Variants in GAL3ST3 observed in about 807,000 individuals in gnomAD.
GAL3ST3 encodes the protein beta-galactose-3-O-sulfotransferase 3.
A neutral mutation model predicts 20.8 loss-of-function variants in GAL3ST3; 21 were observed. That is an observed-to-expected ratio of 1.01 (90% confidence interval 0.72 to 1.45). The LOEUF (loss-of-function observed/expected upper bound fraction) is 1.45. GAL3ST3 is among the 40% of genes most tolerant of loss of function. The probability of loss-of-function intolerance (pLI) is 0.00; values close to 1 mark genes in which losing one functional copy is unlikely to be tolerated. For synonymous variants in GAL3ST3, 355 were observed against 307.2 expected (o/e 1.16, Z -1.63); for missense variants, 739 against 662.7 (o/e 1.12, Z -1.26).
In GAL3ST3 at chr11:66,042,748, T is replaced by C. The variant is rs1856722089; in HGVS notation, c.1055A>G (p.Gln352Arg). The change falls in exon 3 of 3, where the codon CAG becomes CGG. Residue 352 changes from glutamine to arginine, a missense_variant. Gln to Arg is a conservative substitution (Grantham distance 43, BLOSUM62 1). Coordinates refer to ENST00000312006, the MANE Select transcript of GAL3ST3 (RefSeq NM_033036.3). ...LRPAAQIRTK[Q>R]LQPWQPSRKV... ...GCGGCTGGGCTGCCACGGCTGCAGC[T>C]GCTTGGTGCGGATCTGCGCGGCAGG... 7 of 1,532,176 alleles carry C rather than the reference T, an allele frequency of 4.6e-6. No homozygotes were observed. The highest frequency in any genetic ancestry group is 5.2e-6 in the Non-Finnish European group (6 of 1,145,180). 94.9% of individuals were successfully genotyped at this position (1,532,176 alleles called of 1,614,324 possible). A position where few individuals can be genotyped will look rare whatever the true frequency, so the allele number is the denominator to read the frequency against.
chr11:66,042,664 G>A lies in GAL3ST3; in HGVS notation c.1139C>T (p.Ala380Val). 1 of 1,534,696 alleles carries A rather than the reference G, an allele frequency of 6.5e-7. No homozygotes were observed. The highest frequency in any genetic ancestry group is 8.7e-7 in the Non-Finnish European group (1 of 1,146,118). Residue 380 changes from alanine to valine, a missense_variant, in exon 3 of 3, where the codon GCC becomes GTC. Ala to Val is a moderately conservative substitution (Grantham distance 64). Coordinates refer to ENST00000312006, the MANE Select transcript of GAL3ST3 (RefSeq NM_033036.3). ...CTCGGGCATGGCCAGCTTGAGGCAG[G>A]CCTCGGTGGCCGGGCCGGCGCCGCC... ...PGGGAGPATEACLKLAMPEVQ... is the reference protein window; with the variant it reads ...PGGGAGPATEVCLKLAMPEVQ...
intron 2 of GAL3ST3, among the ~76,000 whole-genome samples, chr11:66,044,704 T>G (rs907696429): frequency 6.6e-6 from 1 of 152,218 alleles, no homozygotes; most frequent in East Asian, 1.9e-4. Flanking sequence ...TCGTGAAGCT[T>G]TCATTTCTGT....
Position 66,043,066 on chromosome 11 carries a change from T to A in GAL3ST3, c.737A>T (p.Glu246Val). Residue 246 changes from glutamate to valine, a missense_variant, in exon 3 of 3, where the codon GAG (glutamate) becomes GTG (valine). By Grantham distance (121) the Glu-to-Val change is moderately radical (BLOSUM62 -2). Coordinates refer to ENST00000312006, the MANE Select transcript of GAL3ST3 (RefSeq NM_033036.3). ...SLVMIAEYFD[E>V]SLVLLRRLLA... ...TAGGCGCCGCAGCAGCACTAGCGAC[T>A]CGTCGAAGTACTCGGCGATCATGAC... 6.2e-7 allele frequency: 1 copy of A among 1,611,608 alleles called. No individual in the cohort carries two copies. Among genetic ancestry groups the A allele is most frequent in the Non-Finnish European group, 8.5e-7 (1 of 1,179,326 alleles).
At chr11:66,048,025 G>A (rs1418247832) in intron 1 of GAL3ST3, among the ~76,000 whole-genome samples, 1 of 152,162 alleles carries the variant, frequency 6.6e-6, no homozygotes, top group Admixed American at 6.5e-5. Context: ...CAGGGAGGGG[G>A]CCACTGGGCT....
chr11:66,042,943 G>A lies in GAL3ST3; in HGVS notation c.860C>T (p.Ala287Val). Residue 287 changes from alanine to valine, a missense_variant, in exon 3 of 3, where the codon GCG becomes GTG. Transcript: ENST00000312006. ...GGCGTCCAGGGCGTTCCAGGTGCGC[G>A]CCGCCCGCGCCAGCGCCGCGGGGAT... ...AAIPAALARA[A>V]RTWNALDAGL... 2 of 1,257,878 alleles carry A rather than the reference G, an allele frequency of 1.6e-6. No individual in the cohort carries two copies. Among genetic ancestry groups the A allele is most frequent in the Non-Finnish European group, 2.0e-6 (2 of 996,378 alleles). 77.9% of individuals were successfully genotyped at this position (1,257,878 alleles called of 1,614,324 possible).
Position 66,043,778 on chromosome 11 carries a change from C to T in GAL3ST3, c.126-101G>A, listed in dbSNP as rs2135020311. ...TGTGGGATGCCCCACAGCGCGGCCC[C>T]GCCTGGGCTGCACTCATGGAAAGGT... On this transcript the variant is annotated intron_variant, in intron 2 of 2. Coordinates refer to ENST00000312006, the MANE Select transcript of GAL3ST3 (RefSeq NM_033036.3). 7 of 1,089,526 alleles carry T rather than the reference C, an allele frequency of 6.4e-6. No homozygotes were observed. The South Asian group carries it at 6.4e-5, about 10-fold the overall frequency. The allele number at this position is 1,089,526 out of a possible 1,614,324, so 67.5% of individuals were successfully genotyped here. A position where few individuals can be genotyped will look rare whatever the true frequency, so the allele number is the denominator to read the frequency against.
chr11:66,046,931 C>T (rs1344937667), intron 1 of GAL3ST3, among the ~76,000 whole-genome samples: 1 of 152,220 alleles, frequency 6.6e-6, no homozygotes, highest in Non-Finnish European at 1.5e-5. Context: ...AGTCTCTCTT[C>T]TTGACCCTGC....
In GAL3ST3 at chr11:66,042,931, T is replaced by A. The variant is rs1590698818; in HGVS notation, c.872A>T (p.Asn291Ile). The A allele has an allele frequency of 8.1e-7, 1 of 1,238,542 alleles. No individual in the cohort carries two copies. The highest frequency in any genetic ancestry group is 1.0e-6 in the Non-Finnish European group (1 of 983,126). 76.7% of individuals were successfully genotyped at this position (1,238,542 alleles called of 1,614,324 possible). A position where few individuals can be genotyped will look rare whatever the true frequency, so the allele number is the denominator to read the frequency against. The change falls in exon 3 of 3, where the codon AAC (asparagine) becomes ATC (isoleucine). Residue 291 changes from asparagine (N) to isoleucine (I), a missense_variant. By Grantham distance (149) the Asn-to-Ile change is moderately radical. Coordinates refer to ENST00000312006, the MANE Select transcript of GAL3ST3 (RefSeq NM_033036.3). ...AALARAARTW[N>I]ALDAGLYDHF... is the part of the protein sequence containing the mutation. ...GTCGTAGAGGCCGGCGTCCAGGGCGTTCCAGGTGCGCGCCGCCCGCGCCAG... is the reference window on the plus strand; with the variant it reads ...GTCGTAGAGGCCGGCGTCCAGGGCGATCCAGGTGCGCGCCGCCCGCGCCAG...
At chr11:66,045,728 G>A (rs1856776393) in intron 1 of GAL3ST3, among the ~76,000 whole-genome samples, 1 of 152,216 alleles carries the variant, frequency 6.6e-6, no homozygotes, top group African/African-American at 2.4e-5. Flanking sequence ...GGTCTGGGGT[G>A]TAGCCAGCCC....
chr11:66,048,269 C>T (rs1237712287), intron 1 of GAL3ST3, among the ~76,000 whole-genome samples: 3 of 152,316 alleles, frequency 2.0e-5, no homozygotes, highest in South Asian at 2.1e-4. Context: ...CACGCTGCTG[C>T]CCAGTTTTGC....
chr11:66,044,067 T>C (rs1856755075), intron 2 of GAL3ST3, among the ~76,000 whole-genome samples: 1 of 152,154 alleles, frequency 6.6e-6, no homozygotes, highest in Non-Finnish European at 1.5e-5. Flanking sequence ...TGGGCAGCCC[T>C]ATAGGGAGCT....
At position 66,041,092 on chromosome 11, in the gene GAL3ST3, C is replaced by G. The variant is rs1387333851; in HGVS notation, c.*1415G>C. ...GACCTTTTTTATTTGAATGGCACTA[C>G]AGACAGCACTTGTGAGCACAAACTC... On this transcript the variant is annotated 3_prime_UTR_variant, in exon 3 of 3. Coordinates refer to ENST00000312006, the MANE Select transcript of GAL3ST3 (RefSeq NM_033036.3). Among the ~76,000 whole-genome samples, 1 of 152,194 alleles carries G rather than the reference C, an allele frequency of 6.6e-6. No individual in the cohort carries two copies. Among genetic ancestry groups the G allele is most frequent in the Non-Finnish European group, 1.5e-5 (1 of 68,030 alleles).
intron 1 of GAL3ST3, among the ~76,000 whole-genome samples, chr11:66,046,245 CTATT>C (rs1856781902): frequency 1.3e-5 from 2 of 152,190 alleles, no homozygotes; most frequent in Non-Finnish European, 2.9e-5. Context: ...ACTGTATATG[CTATT>C]TCTGTAGAGA....
chr11:66,044,953 C>T (rs770610484), intron 2 of GAL3ST3: 3 of 179,032 alleles, frequency 1.7e-5, no homozygotes, highest in Non-Finnish European at 3.5e-5. Flanking sequence ...TATCATGTCT[C>T]ACTTTATAGA....
Position 66,049,052 on chromosome 11 carries a change from G to A in GAL3ST3, c.-154C>T. On this transcript the variant is annotated 5_prime_UTR_variant, in exon 1 of 3. Coordinates refer to ENST00000312006, the MANE Select transcript of GAL3ST3 (RefSeq NM_033036.3). The stretch of plus-strand genomic sequence containing the variant: ...CTGCCTCTGGCCCGGGTTGGGGGCG[G>A]CCGCCGCTATCTCTGGACCCTTGTC... 1 of 152,692 alleles carries A rather than the reference G, an allele frequency of 6.5e-6. No homozygotes were observed. The highest frequency in any genetic ancestry group is 1.5e-5 in the Non-Finnish European group (1 of 68,330). The allele number at this position is 152,692 out of a possible 1,614,324, so 9.5% of individuals were successfully genotyped here.
Position 66,043,161 on chromosome 11 carries a change from C to G in GAL3ST3, c.642G>C (p.Glu214Asp), listed in dbSNP as rs368047184. ...AGGCGGCGTCGTCGCGCGGGCTGCGCTCATTGTCGCCGCCCAGGTCGTAGG... is the reference window on the plus strand; with the variant it reads ...AGGCGGCGTCGTCGCGCGGGCTGCGGTCATTGTCGCCGCCCAGGTCGTAGG... The part of the protein sequence containing the change: ...TLAYDLGGDN[E>D]RSPRDDAAYL... Residue 214 changes from glutamate to aspartate, a missense_variant, in exon 3 of 3, where the codon GAG becomes GAC. Glu to Asp is a conservative substitution (Grantham distance 45). Coordinates refer to ENST00000312006, the MANE Select transcript of GAL3ST3 (RefSeq NM_033036.3). 6 of 1,611,782 alleles carry G rather than the reference C, an allele frequency of 3.7e-6. No individual in the cohort carries two copies. In the African/African-American group the frequency reaches 8.0e-5, roughly 22 times the overall value.
At chr11:66,048,007 G>A (rs1386638639) in intron 1 of GAL3ST3, among the ~76,000 whole-genome samples, 2 of 152,200 alleles carry the variant, frequency 1.3e-5, no homozygotes, top group Non-Finnish European at 2.9e-5. Context: ...GGCCAAGGCA[G>A]TGCCTCTCAG....
intron 1 of GAL3ST3, 84 bp downstream of exon 1, chr11:66,048,927 A>G (rs1337719317): frequency 6.9e-6 from 1 of 145,802 alleles, no homozygotes; most frequent in Non-Finnish European, 1.5e-5. Context: ...CCCCCAAGAC[A>G]CTCTCCCGCC....
At chr11:66,044,489 T>C (rs972485871) in intron 2 of GAL3ST3, among the ~76,000 whole-genome samples, 1 of 152,246 alleles carries the variant, frequency 6.6e-6, no homozygotes, top group Non-Finnish European at 1.5e-5. Context: ...TAAATCCTTT[T>C]GCTCTTTCTC....
Sources: allele counts gnomAD v4.1 joint callset (sites outside exome capture counted in the v4.1 genomes callset), GRCh38; gene constraint gnomAD v4.1.1; transcripts MANE v1.5; gene names NCBI Gene and HGNC (gene_info 2026-07-23, HGNC 2026-07-21).